Variants in STARD6 observed in about 807,000 individuals in gnomAD.
The protein encoded by STARD6 is StAR related lipid transfer domain containing 6.
STARD6 carries 21 observed loss-of-function variants against 22.3 expected under a neutral mutation model. That is an observed-to-expected ratio of 0.94 (90% CI 0.67 to 1.35). The LOEUF is 1.35. Ranked by LOEUF, STARD6 falls within the 40% of genes most tolerant of loss-of-function variation. STARD6 has a pLI of 0.00. For missense variants in STARD6, 269 were observed against 266.9 expected (o/e 1.01, Z -0.05); for synonymous variants, 80 against 88.1 (o/e 0.91, Z 0.52).
chr18:54,328,680 C>T (rs1416007473), intron 7 of STARD6, among the ~76,000 whole-genome samples: 1 of 151,778 alleles, frequency 6.6e-6, no homozygotes, highest in Non-Finnish European at 1.5e-5. Flanking sequence ...CTGACCAATA[C>T]ATCTGTTATC....
At chr18:54,335,770 C>G (rs2088905560) in intron 5 of STARD6, among the ~76,000 whole-genome samples, 2 of 152,096 alleles carry the variant, frequency 1.3e-5, no homozygotes, top group South Asian at 4.2e-4. Flanking sequence ...CCTTAGTTCC[C>G]TCTCTCCTGT....
At chr18:54,339,127 G>GAA (rs202065894) in intron 4 of STARD6, among the ~76,000 whole-genome samples, 47 of 111,276 alleles carry the variant, frequency 4.2e-4, no homozygotes, top group South Asian at 1.8e-3. Context: ...ACGAAAGCAG[G>GAA]AAAAAAAAAA....
At chr18:54,352,562 C>T (rs1172390154) in intron 4 of STARD6, among the ~76,000 whole-genome samples, 1 of 152,094 alleles carries the variant, frequency 6.6e-6, no homozygotes. Context: ...TCCTGGATTC[C>T]TAATCCAGAG....
intron 6 of STARD6, among the ~76,000 whole-genome samples, chr18:54,329,744 C>G (rs1358960873): frequency 6.6e-6 from 1 of 151,760 alleles, no homozygotes; most frequent in African/African-American, 2.4e-5. Flanking sequence ...AAAGATAGCT[C>G]AAATCTCAGA....
At chr18:54,350,734 T>G (rs569894452) in intron 4 of STARD6, among the ~76,000 whole-genome samples, 31 of 152,318 alleles carry the variant, frequency 2.0e-4, no homozygotes, top group African/African-American at 7.0e-4. Context: ...ATTTGTTGAA[T>G]AGGGTGTCCT....
At chr18:54,347,841 G>A (rs922558633) in intron 4 of STARD6, among the ~76,000 whole-genome samples, 3 of 151,996 alleles carry the variant, frequency 2.0e-5, no homozygotes, top group African/African-American at 7.2e-5. Flanking sequence ...TTTAACCTGT[G>A]ATATGGGTTG....
chr18:54,356,840 A>T (rs1028266247), intron 1 of STARD6, among the ~76,000 whole-genome samples: 2 of 152,220 alleles, frequency 1.3e-5, no homozygotes, highest in African/African-American at 4.8e-5. Flanking sequence ...TGATCTAGAG[A>T]CTTTGAAGAT....
chr18:54,326,211 A>G (rs2088823474), intron 7 of STARD6, among the ~76,000 whole-genome samples: 1 of 151,842 alleles, frequency 6.6e-6, no homozygotes, highest in Non-Finnish European at 1.5e-5. Context: ...AATCTTTGAG[A>G]TGCTAAAGGG....
chr18:54,334,944 T>C (rs1217271118), intron 5 of STARD6, among the ~76,000 whole-genome samples: 5 of 152,188 alleles, frequency 3.3e-5, no homozygotes, highest in Admixed American at 1.3e-4. Flanking sequence ...CAATAGTTGC[T>C]CAAAAAGTAT....
intron 3 of STARD6, 75 bp downstream of exon 3, chr18:54,354,409 T>TA (rs749532264): frequency 1.5e-6 from 2 of 1,348,484 alleles, no homozygotes; most frequent in Non-Finnish European, 2.1e-6. Flanking sequence ...AATATTTTTT[T>TA]AAAAAAGTCT....
At chr18:54,348,126 C>G (rs2089055440) in intron 4 of STARD6, among the ~76,000 whole-genome samples, 1 of 152,088 alleles carries the variant, frequency 6.6e-6, no homozygotes, top group Non-Finnish European at 1.5e-5. Flanking sequence ...GAACTGAGTC[C>G]ATTAAACCTC....
At chr18:54,345,576 G>A (rs1371193667) in intron 4 of STARD6, among the ~76,000 whole-genome samples, 1 of 152,110 alleles carries the variant, frequency 6.6e-6, no homozygotes, top group African/African-American at 2.4e-5. Context: ...TGTTGCTGAG[G>A]CTGGAGTGTC....
intron 4 of STARD6, among the ~76,000 whole-genome samples, chr18:54,342,830 G>A (rs1205175933): frequency 5.2e-5 from 1 of 19,288 alleles, no homozygotes; most frequent in South Asian, 1.2e-3. Context: ...CCTCCCAGCC[G>A]CCTGCCTTGG....
At chr18:54,349,427 A>G (rs2089072507) in intron 4 of STARD6, among the ~76,000 whole-genome samples, 1 of 152,184 alleles carries the variant, frequency 6.6e-6, no homozygotes, top group South Asian at 2.1e-4. Flanking sequence ...ACACAGGGAC[A>G]ATGAAGAGAA....
intron 5 of STARD6, 69 bp from the exon 6 acceptor site, chr18:54,331,928 CA>C (rs2144669037): frequency 1.8e-6 from 2 of 1,135,020 alleles, no homozygotes; most frequent in Admixed American, 4.2e-5. Flanking sequence ...GTTTCCCCCC[CA>C]AATTTTATTG....
At chr18:54,346,935 CA>C (rs2089042270) in intron 4 of STARD6, among the ~76,000 whole-genome samples, 1 of 151,982 alleles carries the variant, frequency 6.6e-6, no homozygotes, top group Non-Finnish European at 1.5e-5. Context: ...CTAGTAGGCA[CA>C]AGTTTCTTTT....
intron 4 of STARD6, among the ~76,000 whole-genome samples, chr18:54,339,336 A>C (rs2088949677): frequency 6.6e-6 from 1 of 151,842 alleles, no homozygotes; most frequent in African/African-American, 2.4e-5. Flanking sequence ...ATAATGAGTA[A>C]AATTTCTACA....
At chr18:54,324,939 G>C (rs2088811542) in intron 7 of STARD6, 64 bp from the exon 8 acceptor site, 8 of 1,326,730 alleles carry the variant, frequency 6.0e-6, no homozygotes, top group Non-Finnish European at 6.9e-6. Flanking sequence ...TGACTTTACA[G>C]GTTTTTGGAG....
At chr18:54,328,341 T>A (rs1022976561) in intron 7 of STARD6, among the ~76,000 whole-genome samples, 4 of 152,194 alleles carry the variant, frequency 2.6e-5, no homozygotes, top group South Asian at 2.1e-4. Context: ...GAAGCACACT[T>A]TAAGCTGTGT....
Sources: gnomAD v4.1 joint callset for allele counts (sites outside exome capture counted in the v4.1 genomes callset) on GRCh38, gnomAD v4.1.1 for gene constraint, MANE v1.5 for transcripts, NCBI Gene and HGNC (gene_info 2026-07-23, HGNC 2026-07-21) for gene names.